The following GATD1 variants were observed in gnomAD, a reference collection of about 807,000 sequenced individuals.
GATD1 encodes the protein glutamine amidotransferase-like class 1 domain-containing protein 1.
Under a neutral mutation model 25.9 loss-of-function variants are expected in GATD1, and 23 were observed. The observed-to-expected ratio is 0.89, with a 90% CI of 0.64 to 1.26. GATD1 has a LOEUF of 1.26. Ranked by LOEUF, GATD1 falls within the 50% of genes most tolerant of loss-of-function variation. GATD1 has a pLI of 0.00. For missense variants in GATD1, 347 were observed against 312.5 expected (o/e 1.11, Z -0.83); for synonymous variants, 177 against 134.6 (o/e 1.31, Z -2.18).
In GATD1 at chr11:775,134, C is replaced by G. The variant is rs758603874; in HGVS notation, c.73G>C (p.Ala25Pro). ...VASGAAEGVS[A>P]QSFLHCFTMA... Reference sequence around the variant, plus strand: ...GTGAAACAGTGGAGGAAGGACTGGGCCGACACACCTGCAGAAGGTCCCAGT... The same window carrying G: ...GTGAAACAGTGGAGGAAGGACTGGGGCGACACACCTGCAGAAGGTCCCAGT... Residue 25 changes from alanine to proline, a missense_variant, in exon 2 of 8, where the codon GCC becomes CCC. By Grantham distance (27) the Ala-to-Pro change is conservative. Coordinates refer to ENST00000319863, the MANE Select transcript of GATD1 (RefSeq NM_182612.4). The G allele has an allele frequency of 1.2e-6, 2 of 1,601,706 alleles. No individual in the cohort carries two copies.
chr11:774,243 G>T, intron 2 of GATD1, 130 bp from the exon 3 acceptor site: 2 of 696,284 alleles, frequency 2.9e-6, no homozygotes, highest in Non-Finnish European at 4.8e-6. Flanking sequence ...CGACCACCCA[G>T]CCTCCTTCAC....
At chr11:775,184 G>A (rs954531081) in intron 1 of GATD1, 42 bp from the exon 2 acceptor site, 15 of 1,536,774 alleles carry the variant, frequency 9.8e-6, no homozygotes, top group Middle Eastern at 3.4e-4. Context: ...CAGGACTAGC[G>A]TGCCCCGCCT....
intron 5 of GATD1, 78 bp from the exon 6 acceptor site, chr11:771,504 G>A (rs1202962808): frequency 1.4e-6 from 2 of 1,453,154 alleles, no homozygotes; most frequent in East Asian, 2.4e-5. Flanking sequence ...GGTCAAGTCA[G>A]GGCAGGGAGC....
At chr11:774,369 C>T (rs764514353) in intron 2 of GATD1, among the ~76,000 whole-genome samples, 1 of 152,250 alleles carries the variant, frequency 6.6e-6, no homozygotes, top group African/African-American at 2.4e-5. Context: ...CCCGCAGTGA[C>T]AAATACATAA....
chr11:775,339 G>A (rs1328937065), intron 1 of GATD1, among the ~76,000 whole-genome samples, 197 bp from the exon 2 acceptor site: 1 of 152,252 alleles, frequency 6.6e-6, no homozygotes. Flanking sequence ...AGGAAGCTGG[G>A]AAGGCATGAG....
rs756237973 is a variant in GATD1 at position 770,858 on chromosome 11, C to T, written c.*39G>A. 1.3e-5 allele frequency: 21 copies of T among 1,582,352 alleles called. No individual in the cohort carries two copies. Among genetic ancestry groups the T allele is most frequent in the Non-Finnish European group, 1.5e-5 (18 of 1,161,996 alleles). ...CCTGAGACGGGGCTGCCTCTGGAGA[C>T]ACCTGGGCTGTCTCAGGGGGTGCAT... On this transcript the variant is annotated 3_prime_UTR_variant, in exon 8 of 8. Coordinates refer to ENST00000319863, the MANE Select transcript of GATD1 (RefSeq NM_182612.4).
chr11:768,266 C>G lies in GATD1; in HGVS notation c.*2631G>C, dbSNP rs571087020. On this transcript the variant is annotated 3_prime_UTR_variant, in exon 8 of 8. Transcript: ENST00000319863. ...CGGGCAGATCATGAGGTCAAGAGATCGAGACCATCCTGGCCAACATGGTGA... is the reference window on the plus strand; with the variant it reads ...CGGGCAGATCATGAGGTCAAGAGATGGAGACCATCCTGGCCAACATGGTGA... 3.9e-3 allele frequency: 589 copies of G among 151,858 alleles called. 6 individuals carry two copies. The highest frequency in any genetic ancestry group is 5.9e-3 in the Non-Finnish European group (404 of 68,024). The allele number at this position is 151,858 out of a possible 1,614,324, so 9.4% of individuals were successfully genotyped here.
rs183856556 is a variant in GATD1, at chr11:770,239, A to G, written c.*658T>C. 132 of 1,392,374 alleles carry G rather than the reference A, an allele frequency of 9.5e-5. 1 individual carries two copies. The African/African-American group carries it at 1.9e-3, about 20-fold the overall frequency. 86.3% of individuals were successfully genotyped at this position (1,392,374 alleles called of 1,614,324 possible). ...GGGACAGCACTTTCCTATCATTGAG[A>G]ATCTCATGGTCTCATATTCACAAGT... is the stretch of plus-strand genomic sequence containing the variant. On this transcript the variant is annotated 3_prime_UTR_variant, in exon 8 of 8. Coordinates refer to ENST00000319863, the MANE Select transcript of GATD1 (RefSeq NM_182612.4).
At chr11:774,327 A>C (rs568547427) in intron 2 of GATD1, among the ~76,000 whole-genome samples, 2 of 152,350 alleles carry the variant, frequency 1.3e-5, no homozygotes, top group Non-Finnish European at 2.9e-5. Context: ...CCCACCAACC[A>C]AAAATTTTTA....
chr11:771,010 G>A lies in GATD1; in HGVS notation c.639C>T (p.Leu213=), dbSNP rs770797373. Residue 213 remains leucine (L), a synonymous_variant, in exon 7 of 8, where the codon CTC becomes CTT. Coordinates refer to ENST00000319863, the MANE Select transcript of GATD1 (RefSeq NM_182612.4). ...SSTVPAVQNL[L]FLCGSRK ...GCCCTCACCGGCTGCCACAGAGGAA[G>A]AGCAGGTTCTGCACGGCCGGGACAG... 1.9e-6 allele frequency: 3 copies of A among 1,613,332 alleles called. No individual in the cohort carries two copies. The highest frequency in any genetic ancestry group is 1.7e-6 in the Non-Finnish European group (2 of 1,180,006).
chr11:773,104 C>T (rs1863608364), intron 4 of GATD1, among the ~76,000 whole-genome samples: 1 of 151,062 alleles, frequency 6.6e-6, no homozygotes, highest in Non-Finnish European at 1.5e-5. Flanking sequence ...GCTTGTCCAC[C>T]CCGGCCAGTG....
At chr11:773,390 C>G in intron 4 of GATD1, 132 bp downstream of exon 4, 1 of 743,294 alleles carries the variant, frequency 1.3e-6, no homozygotes, top group Non-Finnish European at 2.3e-6. Flanking sequence ...CCCACAACCA[C>G]TGCAGTGGCC....
Position 770,262 on chromosome 11 carries a change from A to T in GATD1, c.*635T>A. On this transcript the variant is annotated 3_prime_UTR_variant, in exon 8 of 8. Transcript: ENST00000319863. ...AGAATCTCATGGTCTCATATTCACA[A>T]GTAAACGTGCCTCTCAATGCTTAGG... is the stretch of plus-strand genomic sequence containing the variant. 1 of 1,444,610 alleles carries T rather than the reference A, an allele frequency of 6.9e-7. No homozygotes were observed. Among genetic ancestry groups the T allele is most frequent in the African/African-American group, 1.4e-5 (1 of 70,280 alleles). The allele number at this position is 1,444,610 out of a possible 1,614,324, so 89.5% of individuals were successfully genotyped here. A position where few individuals can be genotyped will look rare whatever the true frequency, so the allele number is the denominator to read the frequency against.
chr11:772,943 C>G (rs1863595350), intron 4 of GATD1, among the ~76,000 whole-genome samples: 2 of 152,230 alleles, frequency 1.3e-5, no homozygotes, highest in African/African-American at 4.8e-5. Flanking sequence ...GAGGCAATGC[C>G]TGTGCCTTGC....
At chr11:771,511 G>T in intron 5 of GATD1, 85 bp from the exon 6 acceptor site, 1 of 1,447,430 alleles carries the variant, frequency 6.9e-7, no homozygotes, top group East Asian at 2.5e-5. Context: ...TCAGGGCAGG[G>T]AGCCTCACCC....
In GATD1 at chr11:769,679, A is replaced by T. The variant is rs939771734; in HGVS notation, c.*1218T>A. On this transcript the variant is annotated 3_prime_UTR_variant, in exon 8 of 8. Coordinates refer to ENST00000319863, the MANE Select transcript of GATD1 (RefSeq NM_182612.4). ...GGCTGGAGTGCAGTGGCACGATCTC[A>T]GCTCACTGCAAGCTCTGCCTCCCAG... 2.0e-5 allele frequency: 3 copies of T among 152,074 alleles called. No individual in the cohort carries two copies. Among genetic ancestry groups the T allele is most frequent in the African/African-American group, 7.4e-5 (3 of 40,348 alleles). 9.4% of individuals were successfully genotyped at this position (152,074 alleles called of 1,614,324 possible).
chr11:770,274 T>C lies in GATD1; in HGVS notation c.*623A>G. 10 of 1,464,706 alleles carry C rather than the reference T, an allele frequency of 6.8e-6. No homozygotes were observed. The highest frequency in any genetic ancestry group is 9.0e-6 in the Non-Finnish European group (10 of 1,108,492). 90.7% of individuals were successfully genotyped at this position (1,464,706 alleles called of 1,614,324 possible). ...TCTCATATTCACAAGTAAACGTGCC[T>C]CTCAATGCTTAGGACAGGGTGCATC... On this transcript the variant is annotated 3_prime_UTR_variant, in exon 8 of 8. Coordinates refer to ENST00000319863, the MANE Select transcript of GATD1 (RefSeq NM_182612.4).
Position 771,431 on chromosome 11 carries a change from G to T in GATD1, c.451-5C>A. 2 of 1,524,498 alleles carry T rather than the reference G, an allele frequency of 1.3e-6. No individual in the cohort carries two copies. The highest frequency in any genetic ancestry group is 8.8e-7 in the Non-Finnish European group (1 of 1,140,256). The allele number at this position is 1,524,498 out of a possible 1,614,324, so 94.4% of individuals were successfully genotyped here. A position where few individuals can be genotyped will look rare whatever the true frequency, so the allele number is the denominator to read the frequency against. ...GACGAGCTCACACACAGAGGGCTGC[G>T]GGAGCGGGGTGGGGGCTCCTGAGAC... On this transcript the variant is annotated splice_region_variant and splice_polypyrimidine_tract_variant and intron_variant, in intron 5 of 7. Coordinates refer to ENST00000319863, the MANE Select transcript of GATD1 (RefSeq NM_182612.4).
rs945970007 is a variant in GATD1 at position 769,156 on chromosome 11, G to C, written c.*1741C>G. ...CCACAGAGGTCCATCACCACACGGG[G>C]ATGAGAGTGGACCCGGGACAGAGCA... On this transcript the variant is annotated 3_prime_UTR_variant, in exon 8 of 8. Transcript: ENST00000319863. 17 of 985,336 alleles carry C rather than the reference G, an allele frequency of 1.7e-5. No individual in the cohort carries two copies. The Middle Eastern group carries it at 2.6e-3, about 151-fold the overall frequency. 61.0% of individuals were successfully genotyped at this position (985,336 alleles called of 1,614,324 possible). A position where few individuals can be genotyped will look rare whatever the true frequency, so the allele number is the denominator to read the frequency against.
Sources: allele counts gnomAD v4.1 joint callset (sites outside exome capture counted in the v4.1 genomes callset), GRCh38; gene constraint gnomAD v4.1.1; transcripts MANE v1.5; gene names NCBI Gene and HGNC (gene_info 2026-07-23, HGNC 2026-07-21).